The following KLHL13 variants were observed in gnomAD, a reference collection of about 807,000 sequenced individuals.
KLHL13 encodes kelch like family member 13, also known as kelch-like protein 13.
A neutral mutation model predicts 37.1 loss-of-function variants in KLHL13; 10 were observed. The ratio of observed to expected loss-of-function variants is 0.27; its 90% CI spans 0.17 to 0.46. The LOEUF is 0.46. KLHL13 is among the 20% of genes least tolerant of loss of function. KLHL13 has a pLI of 1.00. For missense variants in KLHL13, 360 were observed against 509.3 expected (o/e 0.71, Z 2.82); for synonymous variants, 163 against 181.2 (o/e 0.90, Z 0.81).
At chrX:118,025,415 G>A (rs193145657) in intron 1 of KLHL13, among the ~76,000 whole-genome samples, 6 of 111,624 alleles carry the variant, frequency 5.4e-5, no homozygotes, top group Admixed American at 4.8e-4. Context: ...CACCCACGAC[G>A]GGAATTATCT....
At chrX:118,109,163 A>G (rs1396226327) in intron 1 of KLHL13, among the ~76,000 whole-genome samples, 1 of 111,512 alleles carries the variant, frequency 9.0e-6, no homozygotes. Flanking sequence ...GGTCCTTCAT[A>G]GTCACTCTTA....
intron 1 of KLHL13, among the ~76,000 whole-genome samples, chrX:118,106,532 AATAAT>A (rs2055348994): frequency 8.9e-6 from 1 of 111,955 alleles, no homozygotes; most frequent in African/African-American, 3.2e-5. Context: ...ACTGCTAATA[AATAAT>A]ATATTTCATC....
At chrX:117,931,032 C>T (rs948422065) in intron 2 of KLHL13, among the ~76,000 whole-genome samples, 19 of 111,708 alleles carry the variant, frequency 1.7e-4, no homozygotes, top group African/African-American at 6.2e-4. Context: ...CAAGCATTTA[C>T]CTCAGGATAA....
chrX:117,903,167 G>C (rs866812019), intron 5 of KLHL13, among the ~76,000 whole-genome samples: 4,236 of 99,392 alleles, frequency 0.043, 136 homozygotes, highest in Middle Eastern at 0.096. Context: ...CAGAGAGAGA[G>C]AGAGAGGAGA....
intron 1 of KLHL13, among the ~76,000 whole-genome samples, chrX:118,112,410 A>T (rs2055421618): frequency 9.0e-6 from 1 of 111,270 alleles, no homozygotes; most frequent in Non-Finnish European, 1.9e-5. Context: ...CAAGTGTGTG[A>T]CTGCTGTTCA....
At chrX:118,018,488 C>T (rs768798815) in intron 1 of KLHL13, among the ~76,000 whole-genome samples, 22 of 111,655 alleles carry the variant, frequency 2.0e-4, no homozygotes, top group Non-Finnish European at 3.8e-4. Flanking sequence ...AGACAATGTA[C>T]TAATAATGGA....
At chrX:118,092,681 T>G (rs1472878668) in intron 1 of KLHL13, among the ~76,000 whole-genome samples, 1 of 111,942 alleles carries the variant, frequency 8.9e-6, no homozygotes, top group Non-Finnish European at 1.9e-5. Context: ...TCTTGAGTTC[T>G]GTAATTTATG....
intron 1 of KLHL13, among the ~76,000 whole-genome samples, chrX:118,104,918 C>T (rs1224947438): frequency 8.9e-6 from 1 of 112,294 alleles, no homozygotes; most frequent in East Asian, 2.8e-4. Flanking sequence ...CTTAATAAAG[C>T]CGTTAAATAT....
chrX:117,909,211 A>C, intron 5 of KLHL13, 90 bp downstream of exon 6: 1 of 770,886 alleles, frequency 1.3e-6, no homozygotes, highest in Non-Finnish European at 1.8e-6. Context: ...CTACATTTTT[A>C]TCTGATTTTA....
intron 5 of KLHL13, among the ~76,000 whole-genome samples, chrX:117,903,409 T>C (rs1930273688): frequency 8.9e-6 from 1 of 111,749 alleles, no homozygotes; most frequent in Non-Finnish European, 1.9e-5. Flanking sequence ...TTTGTTGGCT[T>C]TGTTCATTGC....
Position 118,093,427 on chromosome X carries a change from T to C in KLHL13, c.-56+23081A>G, listed in dbSNP as rs955434551. On this transcript the variant is annotated intron_variant, in intron 1 of 6. Transcript: ENST00000371882. ...ACGCAATAAAATGAAGTAACACAAG[T>C]AGCAAATGACAGAATCAGATTTTAG... 3.6e-5 allele frequency among the ~76,000 whole-genome samples: 4 copies of C among 111,843 alleles called. No homozygotes were observed. The East Asian group carries it at 8.4e-4, about 24-fold the overall frequency.
At chrX:117,950,710 C>T (rs779464358) in intron 1 of KLHL13, among the ~76,000 whole-genome samples, 1 of 111,960 alleles carries the variant, frequency 8.9e-6, no homozygotes, top group African/African-American at 3.2e-5. Context: ...ACCCAACCCC[C>T]AGGAAAATAA....
intron 1 of KLHL13, among the ~76,000 whole-genome samples, chrX:117,958,689 C>T (rs2053242557): frequency 9.2e-6 from 1 of 108,581 alleles, no homozygotes; most frequent in Admixed American, 1.0e-4. Flanking sequence ...AAACAAAGAG[C>T]AGTCAGGATA....
intron 6 of KLHL13, among the ~76,000 whole-genome samples, chrX:117,901,110 T>C (rs982983912): frequency 5.4e-5 from 6 of 111,156 alleles, no homozygotes; most frequent in African/African-American, 2.0e-4. Flanking sequence ...CCCCCTATAA[T>C]GCTAAGGAAG....
At chrX:117,987,528 G>A (rs1178687712) in intron 1 of KLHL13, among the ~76,000 whole-genome samples, 1 of 111,785 alleles carries the variant, frequency 8.9e-6, no homozygotes, top group Non-Finnish European at 1.9e-5. Flanking sequence ...ATTATGCTCA[G>A]TGTCAAATAC....
chrX:118,018,485 G>A, intron 1 of KLHL13, among the ~76,000 whole-genome samples: 1 of 111,643 alleles, frequency 9.0e-6, no homozygotes, highest in Non-Finnish European at 1.9e-5. Flanking sequence ...AGCAGACAAT[G>A]TACTAATAAT....
chrX:118,061,758 G>A (rs1434269205), intron 1 of KLHL13, among the ~76,000 whole-genome samples: 2 of 111,395 alleles, frequency 1.8e-5, no homozygotes, highest in Admixed American at 9.6e-5. Flanking sequence ...TATTAAATTC[G>A]TAGAGACATA....
chrX:118,014,026 T>C lies in KLHL13; in HGVS notation c.-55-68451A>G, dbSNP rs768985033. Among the ~76,000 whole-genome samples, 334 of 112,198 alleles carry C rather than the reference T, an allele frequency of 3.0e-3. 1 individual carries two copies. The highest frequency in any genetic ancestry group is 5.4e-3 in the Non-Finnish European group (286 of 53,247). ...CACCTGAGGACCACTATTGTACAAA[T>C]TGATTGTAAAATATGTGTGTTTGAA... On this transcript the variant is annotated intron_variant, in intron 1 of 6. Transcript: ENST00000371882.
At chrX:118,107,908 C>G (rs1381327175) in intron 1 of KLHL13, among the ~76,000 whole-genome samples, 1 of 111,292 alleles carries the variant, frequency 9.0e-6, no homozygotes, top group Non-Finnish European at 1.9e-5. Flanking sequence ...ATAAAATTAG[C>G]CAGGCGTGGT....
Sources: gnomAD v4.1 joint callset for allele counts (sites outside exome capture counted in the v4.1 genomes callset) on GRCh38, gnomAD v4.1.1 for gene constraint, MANE v1.5 for transcripts, NCBI Gene and HGNC (gene_info 2026-07-23, HGNC 2026-07-21) for gene names.